The following DOCK1 variants were observed in gnomAD, a reference collection of about 807,000 sequenced individuals.
DOCK1 encodes dedicator of cytokinesis 1.
In DOCK1, 138 loss-of-function variants were observed where a neutral mutation model predicts 262.7. The observed-to-expected ratio is 0.53, with a 90% CI of 0.46 to 0.61. DOCK1 has a LOEUF of 0.61. Ranked by LOEUF, DOCK1 falls within the 20% of genes least tolerant of loss-of-function variation. The pLI, the probability that DOCK1 is intolerant of heterozygous loss-of-function variation, is 0.00. For synonymous variants in DOCK1, 866 were observed against 867.4 expected (o/e 1.00, Z 0.03); for missense variants, 1,908 against 2,370.7 (o/e 0.80, Z 4.05).
chr10:126,977,928 T>G lies in DOCK1; in HGVS notation c.131-20T>G, dbSNP rs534758883. 4.3e-6 allele frequency: 7 copies of G among 1,613,842 alleles called. No individual in the cohort carries two copies. In the South Asian group the frequency reaches 6.6e-5, roughly 15 times the overall value. On this transcript the variant is annotated intron_variant, in intron 2 of 51. Coordinates refer to ENST00000623213, the MANE Select transcript of DOCK1 (RefSeq NM_001290223.2). ...AACATGTCTCTTTGTACTAACTGTT[T>G]CAACTTTGTGTTTGTTTAGGGTGGT...
chr10:127,125,625 C>T (rs374968390), intron 26 of DOCK1, 24 bp downstream of exon 26: 74 of 1,602,240 alleles, frequency 4.6e-5, no homozygotes, highest in Middle Eastern at 3.3e-4. Flanking sequence ...CTGTGCGTGA[C>T]GTCCTGCCAT....
intron 21 of DOCK1, among the ~76,000 whole-genome samples, chr10:127,050,426 T>C (rs1388172717): frequency 6.6e-6 from 1 of 152,004 alleles, no homozygotes; most frequent in Non-Finnish European, 1.5e-5. Flanking sequence ...AAAATTTTTA[T>C]GCCCTGCTGG....
At position 127,031,617 on chromosome 10, in the gene DOCK1, C is replaced by G. The variant is rs79769334; in HGVS notation, c.1625-33C>G. 6,659 of 1,497,266 alleles carry G rather than the reference C, an allele frequency of 4.4e-3. 24 individuals carry two copies. The highest frequency in any genetic ancestry group is 5.5e-3 in the Non-Finnish European group (5,984 of 1,089,130). The allele number at this position is 1,497,266 out of a possible 1,614,324, so 92.7% of individuals were successfully genotyped here. On this transcript the variant is annotated intron_variant, in intron 16 of 51. Transcript: ENST00000623213. ...GTTATTTTGTCATGATAATTGAAAG[C>G]AATCATCAATTTTTTTGTTTTTTGT...
Position 127,418,553 on chromosome 10 carries a change from A to T in DOCK1, c.4692+12A>T, listed in dbSNP as rs2068297062. 1 of 1,609,260 alleles carries T rather than the reference A, an allele frequency of 6.2e-7. No individual in the cohort carries two copies. The highest frequency in any genetic ancestry group is 8.5e-7 in the Non-Finnish European group (1 of 1,178,154). ...CAAACTACGAAAAGGTACGGGACCC[A>T]CCAGCTTGCTCTGGGCAAGCAGTCC... is the stretch of plus-strand genomic sequence containing the variant. On this transcript the variant is annotated intron_variant, in intron 45 of 51. Coordinates refer to ENST00000623213, the MANE Select transcript of DOCK1 (RefSeq NM_001290223.2).
intron 27 of DOCK1, among the ~76,000 whole-genome samples, chr10:127,146,670 C>T (rs186529680): frequency 5.9e-5 from 9 of 152,162 alleles, no homozygotes; most frequent in Admixed American, 2.6e-4. Context: ...AGGCAAAAGG[C>T]GAATTTCCCC....
At chr10:127,076,991 T>A (rs1162212902) in intron 23 of DOCK1, among the ~76,000 whole-genome samples, 1 of 151,982 alleles carries the variant, frequency 6.6e-6, no homozygotes, top group Non-Finnish European at 1.5e-5. Flanking sequence ...GAGAGTGTGG[T>A]GATTAGGGGT....
chr10:127,137,840 A>C, intron 27 of DOCK1: 1 of 1,612,926 alleles, frequency 6.2e-7, no homozygotes, highest in Non-Finnish European at 8.5e-7. Context: ...GTGAGTGTTA[A>C]AGGAACCAGA....
At chr10:127,236,331 CT>C (rs1372659271) in intron 27 of DOCK1, among the ~76,000 whole-genome samples, 3 of 136,810 alleles carry the variant, frequency 2.2e-5, no homozygotes, top group African/African-American at 5.5e-5. Context: ...CTCCCTCCCC[CT>C]CTCCCCTCCC....
intron 29 of DOCK1, among the ~76,000 whole-genome samples, chr10:127,302,569 G>A (rs933737381): frequency 6.6e-5 from 10 of 152,168 alleles, no homozygotes; most frequent in African/African-American, 1.4e-4. Flanking sequence ...AGTCCAAACC[G>A]TAGCCTAGAA....
At chr10:126,941,475 G>A (rs967430670) in intron 1 of DOCK1, among the ~76,000 whole-genome samples, 327 of 150,154 alleles carry the variant, frequency 2.2e-3, no homozygotes, top group Non-Finnish European at 3.6e-3. Flanking sequence ...AGCATCTGTG[G>A]GCCGGGCACA....
chr10:127,150,691 A>C (rs944039408), intron 27 of DOCK1, among the ~76,000 whole-genome samples: 2 of 152,224 alleles, frequency 1.3e-5, no homozygotes, highest in Non-Finnish European at 2.9e-5. Flanking sequence ...ATGTCATGCA[A>C]ACCACTGAGG....
At chr10:127,063,210 T>C (rs150138071) in intron 23 of DOCK1, among the ~76,000 whole-genome samples, 53 of 152,344 alleles carry the variant, frequency 3.5e-4, no homozygotes, top group African/African-American at 1.3e-3. Context: ...CTTCCTCTTT[T>C]AATGTTTGTT....
chr10:127,040,198 G>T (rs1215070710), intron 19 of DOCK1, among the ~76,000 whole-genome samples: 1 of 152,180 alleles, frequency 6.6e-6, no homozygotes. Flanking sequence ...TTTGACCTTC[G>T]CAAAGAATCT....
intron 1 of DOCK1, among the ~76,000 whole-genome samples, chr10:126,949,299 G>A (rs1477956384): frequency 6.6e-6 from 1 of 152,124 alleles, no homozygotes; most frequent in Non-Finnish European, 1.5e-5. Flanking sequence ...CCCCTAAGCT[G>A]TCTAGTGCCT....
Position 127,373,831 on chromosome 10 carries a change from A to G in DOCK1, c.3483A>G (p.Arg1161=). Residue 1161 remains arginine (R), a synonymous_variant, in exon 34 of 52, where the codon AGA becomes AGG. Coordinates refer to ENST00000623213, the MANE Select transcript of DOCK1 (RefSeq NM_001290223.2). ...TGGATCATGAAGTCGAAGGAGGCAGAGGAGACGAACAGTACAAAGTGTTAT... is the reference window on the plus strand; with the variant it reads ...TGGATCATGAAGTCGAAGGAGGCAGGGGAGACGAACAGTACAAAGTGTTAT... ...TKLDHEVEGG[R]GDEQYKVLFD... is the part of the protein sequence containing the mutation. 1 of 1,611,592 alleles carries G rather than the reference A, an allele frequency of 6.2e-7. No individual in the cohort carries two copies. Among genetic ancestry groups the G allele is most frequent in the Non-Finnish European group, 8.5e-7 (1 of 1,178,908 alleles).
intron 16 of DOCK1, among the ~76,000 whole-genome samples, chr10:127,027,505 G>A (rs974486271): frequency 1.3e-5 from 2 of 152,178 alleles, no homozygotes; most frequent in Non-Finnish European, 2.9e-5. Flanking sequence ...AGGATTGCTT[G>A]AACCCGGGAG....
At chr10:127,303,312 A>G (rs2061754097) in intron 29 of DOCK1, among the ~76,000 whole-genome samples, 1 of 152,198 alleles carries the variant, frequency 6.6e-6, no homozygotes. Flanking sequence ...TAGACAGCAA[A>G]GGTGGAGGAT....
chr10:127,022,684 C>T (rs1398309480), intron 13 of DOCK1, among the ~76,000 whole-genome samples: 1 of 152,170 alleles, frequency 6.6e-6, no homozygotes, highest in Non-Finnish European at 1.5e-5. Flanking sequence ...GGGTGAGCCA[C>T]CTCGCCTGGC....
intron 42 of DOCK1, among the ~76,000 whole-genome samples, chr10:127,410,550 T>C (rs1449619222): frequency 6.6e-6 from 1 of 152,268 alleles, no homozygotes; most frequent in Non-Finnish European, 1.5e-5. Context: ...AAAGCTTTTT[T>C]CTCTCTCCTT....
Sources: allele counts gnomAD v4.1 joint callset (sites outside exome capture counted in the v4.1 genomes callset), GRCh38; gene constraint gnomAD v4.1.1; transcripts MANE v1.5; gene names NCBI Gene and HGNC (gene_info 2026-07-23, HGNC 2026-07-21).